The following RORA variants were observed in gnomAD, a reference collection of about 807,000 sequenced individuals.
The protein encoded by RORA is nuclear receptor ROR-alpha.
In RORA, 7 loss-of-function variants were observed where a neutral mutation model predicts 69.5. That is an observed-to-expected ratio of 0.10 (90% CI 0.06 to 0.19). RORA has a LOEUF of 0.19. Among genes scored for constraint, RORA ranks in the 10% least tolerant of loss-of-function variants. The probability of loss-of-function intolerance (pLI) is 1.00; values close to 1 mark genes in which losing one functional copy is unlikely to be tolerated. For missense variants in RORA, 457 were observed against 663.0 expected (o/e 0.69, Z 3.41); for synonymous variants, 261 against 240.8 (o/e 1.08, Z -0.78).
intron 1 of RORA, among the ~76,000 whole-genome samples, chr15:60,694,043 A>C (rs531527585): frequency 6.6e-6 from 1 of 152,322 alleles, no homozygotes; most frequent in African/African-American, 2.4e-5. Flanking sequence ...TTGACTTCAA[A>C]TTATACTACA....
At chr15:60,860,094 A>T (rs1567216776) in intron 1 of RORA, among the ~76,000 whole-genome samples, 1 of 152,276 alleles carries the variant, frequency 6.6e-6, no homozygotes, top group East Asian at 1.9e-4. Flanking sequence ...ATGACTAGAA[A>T]TGTCAGGAGT....
At chr15:60,660,890 G>A (rs2070293336) in intron 2 of RORA, among the ~76,000 whole-genome samples, 1 of 152,156 alleles carries the variant, frequency 6.6e-6, no homozygotes, top group Non-Finnish European at 1.5e-5. Context: ...AGAAAGTGGA[G>A]GCTTCCTGCC....
rs752196814 is a variant in RORA at position 60,523,945 on chromosome 15, G to C, written c.282+7821C>G. Among the ~76,000 whole-genome samples the C allele has an allele frequency of 1.2e-4, 19 of 152,206 alleles. 1 individual carries two copies. The highest frequency in any genetic ancestry group is 2.0e-4 in the Admixed American group (3 of 15,280). ...CTGCCTAGGCCTCCCACAATGCCGG[G>C]ATTACAGGCATGAGCCACTGCACCC... On this transcript the variant is annotated intron_variant, in intron 3 of 10. Transcript: ENST00000335670.
intron 1 of RORA, among the ~76,000 whole-genome samples, chr15:60,843,467 G>A (rs1022400289): frequency 1.3e-5 from 2 of 152,050 alleles, no homozygotes; most frequent in Non-Finnish European, 2.9e-5. Flanking sequence ...TCTCCCAGGC[G>A]GAGAGCTCTT....
At chr15:61,011,884 C>T (rs146196454) in intron 1 of RORA, among the ~76,000 whole-genome samples, 9 of 152,376 alleles carry the variant, frequency 5.9e-5, no homozygotes, top group Non-Finnish European at 8.8e-5. Flanking sequence ...ATGAGGCACT[C>T]ATTTCCAGAG....
chr15:60,843,528 G>C (rs891293431), intron 1 of RORA, among the ~76,000 whole-genome samples: 1 of 152,152 alleles, frequency 6.6e-6, no homozygotes, highest in South Asian at 2.1e-4. Flanking sequence ...AACTGTTCTT[G>C]TTACACGTGT....
intron 1 of RORA, among the ~76,000 whole-genome samples, chr15:60,776,715 G>A (rs2072172810): frequency 6.6e-6 from 1 of 152,178 alleles, no homozygotes; most frequent in Non-Finnish European, 1.5e-5. Flanking sequence ...TGGAGTTCTT[G>A]TAAAGAGTCC....
intron 2 of RORA, among the ~76,000 whole-genome samples, chr15:60,533,486 C>A (rs945458647): frequency 3.3e-5 from 5 of 152,112 alleles, no homozygotes; most frequent in African/African-American, 1.2e-4. Flanking sequence ...AAGAAAAATT[C>A]TTTATGAAAT....
intron 1 of RORA, among the ~76,000 whole-genome samples, chr15:60,827,750 A>T (rs542706531): frequency 5.1e-4 from 78 of 152,192 alleles, no homozygotes; most frequent in African/African-American, 1.8e-3. Context: ...GCATGTATGG[A>T]TGTTTGCTCC....
chr15:60,749,354 T>C (rs549651826), intron 1 of RORA, among the ~76,000 whole-genome samples: 9 of 152,350 alleles, frequency 5.9e-5, no homozygotes, highest in African/African-American at 1.9e-4. Context: ...TACTGCAAAT[T>C]GCTCTAAGCA....
At chr15:60,778,626 G>A (rs904514560) in intron 1 of RORA, among the ~76,000 whole-genome samples, 1 of 152,034 alleles carries the variant, frequency 6.6e-6, no homozygotes, top group African/African-American at 2.4e-5. Flanking sequence ...TGAAGGTAGG[G>A]GGTCAGGAAC....
chr15:61,057,080 G>C (rs2078106936), intron 1 of RORA, among the ~76,000 whole-genome samples: 1 of 152,180 alleles, frequency 6.6e-6, no homozygotes, highest in Non-Finnish European at 1.5e-5. Flanking sequence ...GTACCTCAAA[G>C]GCGCCTGCCT....
intron 1 of RORA, among the ~76,000 whole-genome samples, chr15:60,969,328 A>C (rs933564360): frequency 1.3e-5 from 2 of 152,202 alleles, no homozygotes; most frequent in African/African-American, 4.8e-5. Context: ...ATGGTTTCCT[A>C]TTTTGTATAT....
chr15:60,569,472 A>C (rs1455607730), intron 2 of RORA, among the ~76,000 whole-genome samples: 1 of 152,138 alleles, frequency 6.6e-6, no homozygotes, highest in Non-Finnish European at 1.5e-5. Context: ...TACAAAATTC[A>C]AGTCTTCTGA....
At chr15:61,221,772 T>C (rs2080099292) in intron 1 of RORA, among the ~76,000 whole-genome samples, 1 of 152,156 alleles carries the variant, frequency 6.6e-6, no homozygotes, top group Admixed American at 6.5e-5. Context: ...CTATACTAAG[T>C]GGCACCCTTC....
At chr15:61,149,218 TGTTC>T (rs995317197) in intron 1 of RORA, among the ~76,000 whole-genome samples, 1 of 152,212 alleles carries the variant, frequency 6.6e-6, no homozygotes, top group Non-Finnish European at 1.5e-5. Context: ...CTATTGTGAT[TGTTC>T]GTGTTACTGA....
At chr15:60,616,196 C>G (rs2069238730) in intron 2 of RORA, among the ~76,000 whole-genome samples, 1 of 152,106 alleles carries the variant, frequency 6.6e-6, no homozygotes, top group Non-Finnish European at 1.5e-5. Context: ...CAACCGAGAG[C>G]AAGGTAAATT....
intron 1 of RORA, among the ~76,000 whole-genome samples, chr15:60,882,372 G>A (rs544044097): frequency 6.6e-6 from 1 of 152,170 alleles, no homozygotes; most frequent in Non-Finnish European, 1.5e-5. Context: ...ATCCTACAAC[G>A]CACCAGACAA....
chr15:60,495,621 T>A lies in RORA; in HGVS notation c.*1834A>T, dbSNP rs942955501. On this transcript the variant is annotated 3_prime_UTR_variant, in exon 11 of 11. Coordinates refer to ENST00000335670, the MANE Select transcript of RORA (RefSeq NM_134261.3). ...GTAGAAGATTCCGCAGGGACCCCAA[T>A]GGCAGAGGAGACTATTTCTCAGACA... The A allele has an allele frequency of 5.9e-5, 9 of 152,178 alleles. No homozygotes were observed. The highest frequency in any genetic ancestry group is 1.3e-4 in the Non-Finnish European group (9 of 68,044). 9.4% of individuals were successfully genotyped at this position (152,178 alleles called of 1,614,324 possible).
Sources: allele counts gnomAD v4.1 joint callset (sites outside exome capture counted in the v4.1 genomes callset), GRCh38; gene constraint gnomAD v4.1.1; transcripts MANE v1.5; gene names NCBI Gene and HGNC (gene_info 2026-07-23, HGNC 2026-07-21).